Variants in GPC5 observed in about 807,000 individuals in gnomAD.
GPC5 encodes glypican 5, also known as glypican-5.
In GPC5, 47 loss-of-function variants were observed where a neutral mutation model predicts 53.9. The ratio of observed to expected loss-of-function variants is 0.87; its 90% confidence interval spans 0.69 to 1.11. GPC5 has a LOEUF of 1.11. Among genes scored for constraint, GPC5 ranks in the 50% most tolerant of loss-of-function variants. The pLI, the probability that GPC5 is intolerant of heterozygous loss-of-function variation, is 0.00. For synonymous variants in GPC5, 286 were observed against 263.3 expected, an observed-to-expected ratio of 1.09 and a Z score of -0.84; for missense variants, 748 against 713.1, an observed-to-expected ratio of 1.05 and a Z score of -0.56.
At chr13:91,593,620 C>A (rs962173561) in intron 2 of GPC5, among the ~76,000 whole-genome samples, 2 of 152,122 alleles carry the variant, frequency 1.3e-5, no homozygotes, top group Non-Finnish European at 2.9e-5. Flanking sequence ...GCCTCATAAC[C>A]TTTACCACAC....
chr13:92,171,817 C>A (rs920765813), intron 7 of GPC5, among the ~76,000 whole-genome samples: 3 of 152,192 alleles, frequency 2.0e-5, no homozygotes, highest in African/African-American at 7.2e-5. Flanking sequence ...CACATATATT[C>A]ATTTGCCACA....
chr13:92,705,471 T>C (rs1566374329), intron 7 of GPC5, among the ~76,000 whole-genome samples: 1 of 152,114 alleles, frequency 6.6e-6, no homozygotes, highest in Admixed American at 6.6e-5. Flanking sequence ...TATTGAGATA[T>C]ACTGTAAGTG....
chr13:92,471,137 G>A (rs1878894755), intron 7 of GPC5, among the ~76,000 whole-genome samples: 2 of 152,148 alleles, frequency 1.3e-5, no homozygotes, highest in African/African-American at 4.8e-5. Context: ...GGAAGGGGAT[G>A]TGGACATGAG....
At chr13:92,240,554 A>G (rs1239229459) in intron 7 of GPC5, 1 of 152,228 alleles carries the variant, frequency 6.6e-6, no homozygotes, top group Non-Finnish European at 1.5e-5. Context: ...CCCAGGCTAG[A>G]GTGCAGTGGT....
At chr13:91,750,963 G>T (rs200337238) in intron 4 of GPC5, among the ~76,000 whole-genome samples, 30,086 of 151,982 alleles carry the variant, frequency 0.2, 3,241 homozygotes, top group African/African-American at 0.27. Context: ...CGCCTGGCCG[G>T]TAAGTCTTTT....
intron 6 of GPC5, among the ~76,000 whole-genome samples, chr13:91,969,838 C>A (rs938655959): frequency 5.3e-5 from 8 of 152,066 alleles, no homozygotes; most frequent in Non-Finnish European, 1.0e-4. Flanking sequence ...GTTGGGATAT[C>A]TGTTGTACAA....
chr13:91,713,679 T>G (rs989906944), intron 3 of GPC5, among the ~76,000 whole-genome samples: 1 of 152,152 alleles, frequency 6.6e-6, no homozygotes, highest in African/African-American at 2.4e-5. Context: ...ACAAAGACTC[T>G]TTAAAACCCA....
At chr13:91,915,422 C>CT (rs538899387) in intron 6 of GPC5, among the ~76,000 whole-genome samples, 24 of 149,470 alleles carry the variant, frequency 1.6e-4, no homozygotes, top group African/African-American at 3.4e-4. Flanking sequence ...AGTTTGAGAA[C>CT]TTTTTTTTTT....
At chr13:92,104,294 T>C (rs1466064545) in intron 6 of GPC5, among the ~76,000 whole-genome samples, 3 of 152,162 alleles carry the variant, frequency 2.0e-5, no homozygotes, top group Non-Finnish European at 4.4e-5. Flanking sequence ...TAGATCAAAT[T>C]GTCACAAATC....
intron 7 of GPC5, among the ~76,000 whole-genome samples, chr13:92,668,460 A>G (rs1227841141): frequency 6.6e-6 from 1 of 152,182 alleles, no homozygotes. Context: ...TATCACATTC[A>G]GCAAGAGAAT....
In GPC5 at chr13:92,055,224, A is replaced by G. The variant is rs1220239679; in HGVS notation, c.1402-89606A>G. Among the ~76,000 whole-genome samples, 4 of 152,146 alleles carry G rather than the reference A, an allele frequency of 2.6e-5. No individual in the cohort carries two copies. The South Asian group carries it at 6.2e-4, about 24-fold the overall frequency. On this transcript the variant is annotated intron_variant, in intron 6 of 7. Transcript: ENST00000377067. Reference sequence around the variant, plus strand: ...TGTTTTGATGAAAACTCTGAAGACAATTTGGAGGCTGTTTGTCAGACTCTA... The same window carrying G: ...TGTTTTGATGAAAACTCTGAAGACAGTTTGGAGGCTGTTTGTCAGACTCTA...
At chr13:92,025,305 ATTCT>A (rs2040792021) in intron 6 of GPC5, among the ~76,000 whole-genome samples, 1 of 152,150 alleles carries the variant, frequency 6.6e-6, no homozygotes, top group African/African-American at 2.4e-5. Flanking sequence ...TTTTAAAGTG[ATTCT>A]TTTTTTCTCT....
chr13:91,963,035 AG>A (rs1241252713), intron 6 of GPC5, among the ~76,000 whole-genome samples: 1 of 152,148 alleles, frequency 6.6e-6, no homozygotes, highest in African/African-American at 2.4e-5. Context: ...CTCTGGGGTC[AG>A]CCCACTTGAG....
At chr13:92,536,638 A>G (rs1881731588) in intron 7 of GPC5, among the ~76,000 whole-genome samples, 1 of 152,136 alleles carries the variant, frequency 6.6e-6, no homozygotes, top group Non-Finnish European at 1.5e-5. Flanking sequence ...AATGACAAAA[A>G]TCTGAAGCAA....
At chr13:92,147,197 T>G (rs1218272917) in intron 7 of GPC5, among the ~76,000 whole-genome samples, 3 of 149,136 alleles carry the variant, frequency 2.0e-5, no homozygotes, top group Non-Finnish European at 3.0e-5. Context: ...TAGAAACAAT[T>G]TTTTTTTTAC....
intron 2 of GPC5, among the ~76,000 whole-genome samples, chr13:91,498,971 T>TC (rs1339096484): frequency 1.4e-5 from 1 of 72,112 alleles, no homozygotes; most frequent in Non-Finnish European, 4.6e-5. Context: ...AGTCTCCCTC[T>TC]CAAAAAAAAA....
At chr13:92,837,053 A>C (rs1420957941) in intron 7 of GPC5, among the ~76,000 whole-genome samples, 1 of 152,202 alleles carries the variant, frequency 6.6e-6, no homozygotes, top group Non-Finnish European at 1.5e-5. Context: ...ATTATGGAAG[A>C]GACCTGATAT....
chr13:91,959,634 A>G (rs1266448663), intron 6 of GPC5, among the ~76,000 whole-genome samples: 2 of 152,078 alleles, frequency 1.3e-5, no homozygotes, highest in Non-Finnish European at 2.9e-5. Context: ...CATAGACACA[A>G]AATTTCTCAA....
intron 2 of GPC5, among the ~76,000 whole-genome samples, chr13:91,484,199 A>C (rs1883462241): frequency 6.6e-6 from 1 of 152,176 alleles, no homozygotes; most frequent in African/African-American, 2.4e-5. Flanking sequence ...GAGGACTTTG[A>C]CATCGTGAGA....
Sources: gnomAD v4.1 joint callset for allele counts (sites outside exome capture counted in the v4.1 genomes callset) on GRCh38, gnomAD v4.1.1 for gene constraint, MANE v1.5 for transcripts, NCBI Gene and HGNC (gene_info 2026-07-23, HGNC 2026-07-21) for gene names.